DAB1: variants seen among roughly 807,000 people sequenced by gnomAD.
DAB1 encodes disabled homolog 1.
DAB1 carries 15 observed loss-of-function variants against 64.6 expected under a neutral mutation model. That is an observed-to-expected ratio of 0.23 (90% CI 0.16 to 0.36). The LOEUF (loss-of-function observed/expected upper bound fraction) is 0.36, where lower values mean the gene tolerates loss of function less well. Ranked by LOEUF, DAB1 falls within the 10% of genes least tolerant of loss-of-function variation. The pLI, the probability that DAB1 is intolerant of heterozygous loss-of-function variation, is 1.00. For missense variants in DAB1, 596 were observed against 706.7 expected (o/e 0.84, Z 1.78); for synonymous variants, 235 against 251.9 (o/e 0.93, Z 0.64).
intron 2 of DAB1, among the ~76,000 whole-genome samples, chr1:57,258,948 G>T (rs1305843104): frequency 6.6e-6 from 1 of 152,084 alleles, no homozygotes; most frequent in Non-Finnish European, 1.5e-5. Flanking sequence ...CAGCATCTTT[G>T]ATGTCTCATT....
At chr1:58,413,827 C>T (rs1296493467) in intron 3 of DAB1, among the ~76,000 whole-genome samples, 2 of 152,114 alleles carry the variant, frequency 1.3e-5, no homozygotes, top group Non-Finnish European at 2.9e-5. Context: ...TACAGAATTG[C>T]AGGACCTCTA....
intron 14 of DAB1, among the ~76,000 whole-genome samples, chr1:57,001,721 C>T (rs1645876301): frequency 6.6e-6 from 1 of 152,202 alleles, no homozygotes; most frequent in Non-Finnish European, 1.5e-5. Context: ...TTCACCCTCA[C>T]ATGCTGGAGT....
At chr1:58,238,047 T>C (rs1192246785) in intron 4 of DAB1, among the ~76,000 whole-genome samples, 1 of 152,202 alleles carries the variant, frequency 6.6e-6, no homozygotes, top group Non-Finnish European at 1.5e-5. Flanking sequence ...TCAAAGCCCA[T>C]GTCCTTTGGC....
At chr1:57,826,013 G>A (rs973444808), downstream of DAB1, 2 of 152,100 alleles carry the variant, frequency 1.3e-5, no homozygotes, top group Non-Finnish European at 2.9e-5. Context: ...TCATTCCGTT[G>A]GTGCATGAAA....
chr1:57,299,064 T>C (rs185725188), intron 1 of DAB1, among the ~76,000 whole-genome samples: 159 of 152,332 alleles, frequency 1.0e-3, no homozygotes, highest in African/African-American at 3.8e-3. Context: ...AAACTAACAC[T>C]GAGAGCATAA....
chr1:57,197,584 C>G (rs1446294629), intron 2 of DAB1, among the ~76,000 whole-genome samples: 2 of 152,138 alleles, frequency 1.3e-5, no homozygotes, highest in Non-Finnish European at 1.5e-5. Flanking sequence ...AAGTAATTTG[C>G]CCAAGGTCTC....
chr1:58,232,475 A>G (rs924730652), intron 4 of DAB1, among the ~76,000 whole-genome samples: 75 of 133,224 alleles, frequency 5.6e-4, no homozygotes, highest in Middle Eastern at 3.5e-3. Context: ...ATCTGAGTGA[A>G]TACACACACA....
At chr1:58,308,708 G>A (rs959523974) in intron 4 of DAB1, among the ~76,000 whole-genome samples, 1 of 152,174 alleles carries the variant, frequency 6.6e-6, no homozygotes, top group African/African-American at 2.4e-5. Context: ...CAACCTGCTA[G>A]CTAGCTTGGA....
intron 4 of DAB1, among the ~76,000 whole-genome samples, chr1:58,181,369 T>C (rs1214644891): frequency 6.6e-6 from 1 of 152,136 alleles, no homozygotes; most frequent in African/African-American, 2.4e-5. Context: ...CAGCATATAG[T>C]AGGATCTTCT....
Position 58,154,705 on chromosome 1 carries a change from G to T in DAB1, n.310-4117C>A, listed in dbSNP as rs555452250. On this transcript the variant is annotated intron_variant and non_coding_transcript_variant, in intron 4 of 20. Transcript: ENST00000485760. ...GAGTAATTGTCAGAGCTCTGAAAGA[G>T]AGTAGGAGTTTGCCAGGTAGAGAAG... Among the ~76,000 whole-genome samples the T allele has an allele frequency of 7.2e-5, 11 of 152,216 alleles. No individual in the cohort carries two copies. In the South Asian group the frequency reaches 2.3e-3, roughly 32 times the overall value.
chr1:57,747,861 A>T (rs1648359418), intron 6 of DAB1, among the ~76,000 whole-genome samples: 1 of 140,240 alleles, frequency 7.1e-6, no homozygotes, highest in Non-Finnish European at 1.5e-5. Flanking sequence ...GAGCTAGGCC[A>T]ACTGGCACTG....
chr1:58,250,164 C>G (rs1418564794), intron 4 of DAB1, among the ~76,000 whole-genome samples: 3 of 152,298 alleles, frequency 2.0e-5, no homozygotes, highest in South Asian at 2.1e-4. Context: ...GACAGGCGCC[C>G]GCGGCCGCCC....
At chr1:57,533,677 A>G (rs1644692661) in intron 7 of DAB1, among the ~76,000 whole-genome samples, 1 of 146,514 alleles carries the variant, frequency 6.8e-6, no homozygotes, top group Non-Finnish European at 1.5e-5. Context: ...CAAAATTAAA[A>G]AAAAAAAAAT....
chr1:57,008,390 C>T (rs994544359), intron 14 of DAB1, among the ~76,000 whole-genome samples: 11 of 151,942 alleles, frequency 7.2e-5, no homozygotes, highest in African/African-American at 2.4e-4. Flanking sequence ...GAGTGGGGAG[C>T]GTGCATTAAT....
At chr1:57,708,831 G>A (rs532713221) in intron 6 of DAB1, among the ~76,000 whole-genome samples, 3 of 152,138 alleles carry the variant, frequency 2.0e-5, no homozygotes, top group South Asian at 2.1e-4. Flanking sequence ...ATGCAAGACC[G>A]TCTTTCCTAT....
chr1:57,712,603 T>C (rs1182778223), intron 6 of DAB1, among the ~76,000 whole-genome samples: 1 of 152,192 alleles, frequency 6.6e-6, no homozygotes, highest in African/African-American at 2.4e-5. Context: ...CTGATATGCT[T>C]ACTTGAGCAG....
rs1558381326 is a variant in DAB1, at chr1:57,439,424, T to TTTTTTTGTTTTTTTTTGTTTTTTTTTG, written n.626-148259_626-148258insCAAAAAAAAACAAAAAAAAACAAAAAA. ...CCATCAACTTGGTGATGAGGTTTTT[T>TTTTTTTGTTTTTTTTTGTTTTTTTTTG]CTTTTTTTTTTTTTTTTTTTTTTGA... On this transcript the variant is annotated intron_variant and non_coding_transcript_variant, in intron 7 of 20. Transcript: ENST00000485760. Among the ~76,000 whole-genome samples the TTTTTTTGTTTTTTTTTGTTTTTTTTTG allele has an allele frequency of 2.6e-5, 3 of 117,194 alleles. No homozygotes were observed. In the East Asian group the frequency reaches 7.1e-4, roughly 28 times the overall value. 76.9% of individuals were successfully genotyped at this position (117,194 alleles called of 152,430 possible).
chr1:57,295,060 C>A (rs1406013421), intron 1 of DAB1, among the ~76,000 whole-genome samples: 1 of 152,030 alleles, frequency 6.6e-6, no homozygotes, highest in Non-Finnish European at 1.5e-5. Flanking sequence ...TCAGTGGTTG[C>A]CAGAGGCCAG....
intron 5 of DAB1, among the ~76,000 whole-genome samples, chr1:58,039,097 C>T (rs551740231): frequency 4.6e-5 from 7 of 152,290 alleles, no homozygotes; most frequent in African/African-American, 1.7e-4. Flanking sequence ...TGTCTGGGGC[C>T]TTGCTGTTAC....
Sources: allele counts gnomAD v4.1 joint callset (sites outside exome capture counted in the v4.1 genomes callset), GRCh38; gene constraint gnomAD v4.1.1; transcripts MANE v1.5; gene names NCBI Gene and HGNC (gene_info 2026-07-23, HGNC 2026-07-21).